CUBN: variants seen among roughly 807,000 people sequenced by gnomAD.
The protein encoded by CUBN is cubilin.
Under a neutral mutation model 405.3 loss-of-function variants are expected in CUBN, and 282 were observed. The observed-to-expected ratio is 0.70, with a 90% CI of 0.63 to 0.77. The LOEUF (loss-of-function observed/expected upper bound fraction) is 0.77, where lower values mean the gene tolerates loss of function less well. CUBN is among the 30% of genes least tolerant of loss of function. The pLI is 0.00. For synonymous variants in CUBN, 1,684 were observed against 1,617.0 expected (o/e 1.04, Z -0.99); for missense variants, 4,514 against 4,475.2 (o/e 1.01, Z -0.25).
chr10:17,048,485 T>C (rs1206826545), intron 22 of CUBN, among the ~76,000 whole-genome samples: 4 of 151,956 alleles, frequency 2.6e-5, no homozygotes, highest in Non-Finnish European at 4.4e-5. Flanking sequence ...TTTGTTTTTG[T>C]TTTTGCTTTT....
intron 28 of CUBN, among the ~76,000 whole-genome samples, chr10:17,008,266 T>TGTGTGG (rs760391900): frequency 1.2e-3 from 172 of 143,362 alleles, no homozygotes; most frequent in Non-Finnish European, 2.1e-3. Flanking sequence ...TGTGTGTGTG[T>TGTGTGG]GGTGTGTCTC....
At chr10:16,847,669 AC>A (rs1160859298) in intron 60 of CUBN, among the ~76,000 whole-genome samples, 3 of 152,122 alleles carry the variant, frequency 2.0e-5, no homozygotes, top group East Asian at 1.9e-4. Flanking sequence ...TTGCCAACTA[AC>A]TCCTGCAATG....
At chr10:16,847,264 AAC>A (rs1839543370) in intron 60 of CUBN, among the ~76,000 whole-genome samples, 1 of 152,104 alleles carries the variant, frequency 6.6e-6, no homozygotes, top group Admixed American at 6.5e-5. Flanking sequence ...CATCTTGGCT[AAC>A]ACAGTGAAAC....
In CUBN at chr10:17,047,344, C is replaced by T; in HGVS notation, c.3329+70G>A. On this transcript the variant is annotated intron_variant, in intron 23 of 66. Coordinates refer to ENST00000377833, the MANE Select transcript of CUBN (RefSeq NM_001081.4). ...GAATTTCCATATTTTTTTCCTTAAT[C>T]TTCCTAGGAAAGATTATTAATGAGA... 6.2e-6 allele frequency: 8 copies of T among 1,292,776 alleles called. No homozygotes were observed. The Admixed American group carries it at 1.4e-4, about 22-fold the overall frequency. The allele number at this position is 1,292,776 out of a possible 1,614,324, so 80.1% of individuals were successfully genotyped here.
At chr10:16,964,341 C>T (rs183822060) in intron 31 of CUBN, among the ~76,000 whole-genome samples, 66 of 152,138 alleles carry the variant, frequency 4.3e-4, no homozygotes, top group African/African-American at 1.4e-3. Context: ...AATTACAGCA[C>T]GTCCATTTCA....
At chr10:16,827,064 T>C (rs1838805912) in intron 66 of CUBN, among the ~76,000 whole-genome samples, 1 of 152,222 alleles carries the variant, frequency 6.6e-6, no homozygotes, top group African/African-American at 2.4e-5. Flanking sequence ...ATACAGTGTC[T>C]GCTGGTCCTG....
At chr10:16,875,917 C>CG (rs1840485145) in intron 57 of CUBN, among the ~76,000 whole-genome samples, 1 of 152,092 alleles carries the variant, frequency 6.6e-6, no homozygotes, top group South Asian at 2.1e-4. Flanking sequence ...AACAAGACGA[C>CG]GGGAGAGGAA....
At chr10:16,946,490 CTTTTTTTTTTT>C in intron 36 of CUBN, among the ~76,000 whole-genome samples, 1 of 121,044 alleles carries the variant, frequency 8.3e-6, no homozygotes, top group African/African-American at 3.1e-5. Context: ...AAAACCATTC[CTTTTTTTTTTT>C]TTTTTTTTTT....
At chr10:17,003,389 G>A (rs182615413) in intron 28 of CUBN, among the ~76,000 whole-genome samples, 3 of 152,124 alleles carry the variant, frequency 2.0e-5, no homozygotes, top group East Asian at 1.9e-4. Flanking sequence ...GTGAACCTGC[G>A]CTAGAATCTT....
chr10:17,099,354 T>C (rs983206161), intron 14 of CUBN, among the ~76,000 whole-genome samples: 1 of 152,204 alleles, frequency 6.6e-6, no homozygotes, highest in African/African-American at 2.4e-5. Flanking sequence ...ATCATTAAGA[T>C]GAAGGAATAC....
chr10:17,082,543 G>C (rs1227470997), intron 17 of CUBN, among the ~76,000 whole-genome samples: 2 of 152,078 alleles, frequency 1.3e-5, no homozygotes, highest in Non-Finnish European at 2.9e-5. Flanking sequence ...TCACCATGAA[G>C]GCTTTAACAG....
In CUBN at chr10:16,963,829, A is replaced by T. The variant is rs182767643; in HGVS notation, c.4696-9281T>A. Among the ~76,000 whole-genome samples, 247 of 152,382 alleles carry T rather than the reference A, an allele frequency of 1.6e-3. 1 individual carries two copies. Among genetic ancestry groups the T allele is most frequent in the Non-Finnish European group, 1.5e-3 (102 of 68,038 alleles). ...GGATATGTAGCGTGTGACATGATGTACATAAAGTCTTAAAATATGCAAAAT... is the reference window on the plus strand; with the variant it reads ...GGATATGTAGCGTGTGACATGATGTTCATAAAGTCTTAAAATATGCAAAAT... On this transcript the variant is annotated intron_variant, in intron 31 of 66. Coordinates refer to ENST00000377833, the MANE Select transcript of CUBN (RefSeq NM_001081.4).
rs754695678 is a variant in CUBN at position 17,115,614 on chromosome 10, A to G, written c.594-17T>C. ...CAGTGACAACTGTTGGTTACACAAG[A>G]GCACAATGTCAGGGCACGCGCTTTG... is the stretch of plus-strand genomic sequence containing the variant. On this transcript the variant is annotated splice_polypyrimidine_tract_variant and intron_variant, in intron 6 of 66. Coordinates refer to ENST00000377833, the MANE Select transcript of CUBN (RefSeq NM_001081.4). 4.3e-6 allele frequency: 7 copies of G among 1,614,036 alleles called. No individual in the cohort carries two copies. In the South Asian group the frequency reaches 6.6e-5, roughly 15 times the overall value.
At chr10:17,090,826 T>TAAAAAAAAAAAAAAA (rs59564374) in intron 14 of CUBN, among the ~76,000 whole-genome samples, 2 of 94,012 alleles carry the variant, frequency 2.1e-5, no homozygotes. Flanking sequence ...AAATGTAAAG[T>TAAAAAAAAAAAAAAA]AAAAAAAAAA....
chr10:16,931,313 T>C (rs1318935116), intron 40 of CUBN, among the ~76,000 whole-genome samples: 1 of 151,882 alleles, frequency 6.6e-6, no homozygotes, highest in Admixed American at 6.6e-5. Context: ...TAACAATGTG[T>C]AAATGACTAC....
chr10:17,046,864 C>T (rs1321712224), intron 23 of CUBN, among the ~76,000 whole-genome samples: 2 of 152,224 alleles, frequency 1.3e-5, no homozygotes, highest in East Asian at 3.9e-4. Flanking sequence ...GAGATAGTAA[C>T]ATATAAGCTA....
intron 22 of CUBN, among the ~76,000 whole-genome samples, chr10:17,051,979 C>T (rs1001381554): frequency 2.6e-5 from 4 of 151,900 alleles, no homozygotes; most frequent in Admixed American, 1.3e-4. Flanking sequence ...TAAAAGAAAA[C>T]TACACTTGGA....
chr10:16,961,539 G>A (rs78662236), intron 31 of CUBN, among the ~76,000 whole-genome samples: 2 of 152,250 alleles, frequency 1.3e-5, no homozygotes, highest in Non-Finnish European at 2.9e-5. Flanking sequence ...GGAGGCCTGT[G>A]ATCATAGTTC....
In CUBN at chr10:17,019,909, G is replaced by C. The variant is rs199763912; in HGVS notation, c.4092C>G (p.Ser1364=). Reference sequence around the variant, plus strand: ...CTGTAAGGAGCAGCACTTGAAGCTTGGAGCTTGTAGTACTCCCTGGAGGGG... The same window carrying C: ...CTGTAAGGAGCAGCACTTGAAGCTTCGAGCTTGTAGTACTCCCTGGAGGGG... ...DLPPPGSTTS[S]KLQVLLLTDG... The change falls in exon 28 of 67, where the codon TCC becomes TCG. Residue 1364 remains serine, a synonymous_variant. Transcript: ENST00000377833. 6.3e-5 allele frequency: 101 copies of C among 1,614,146 alleles called. No individual in the cohort carries two copies. Among genetic ancestry groups the C allele is most frequent in the Middle Eastern group, 5.0e-4 (3 of 6,060 alleles).
Sources: allele counts gnomAD v4.1 joint callset (sites outside exome capture counted in the v4.1 genomes callset), GRCh38; gene constraint gnomAD v4.1.1; transcripts MANE v1.5; gene names NCBI Gene and HGNC (gene_info 2026-07-23, HGNC 2026-07-21).